Variants in OPRM1 observed in about 807,000 individuals in gnomAD.
OPRM1 encodes opioid receptor mu 1.
Under a neutral mutation model 31.8 loss-of-function variants are expected in OPRM1, and 27 were observed. The observed-to-expected ratio is 0.85, with a 90% CI of 0.63 to 1.17. The LOEUF (loss-of-function observed/expected upper bound fraction) is 1.17. Among genes scored for constraint, OPRM1 ranks in the 50% most tolerant of loss-of-function variants. The pLI, the probability that OPRM1 is intolerant of heterozygous loss-of-function variation, is 0.00. For synonymous variants in OPRM1, 196 were observed against 189.9 expected (o/e 1.03, Z -0.26); for missense variants, 536 against 511.1 (o/e 1.05, Z -0.47).
chr6:154,067,832 G>T (rs1408738919), intron 1 of OPRM1, among the ~76,000 whole-genome samples: 1 of 151,896 alleles, frequency 6.6e-6, no homozygotes, highest in African/African-American at 2.4e-5. Flanking sequence ...AGTACTGTTT[G>T]TAATTGTTAT....
At chr6:154,222,133 C>T (rs1778914147) in intron 3 of OPRM1, among the ~76,000 whole-genome samples, 1 of 152,166 alleles carries the variant, frequency 6.6e-6, no homozygotes, top group African/African-American at 2.4e-5. Flanking sequence ...TCAAGGCACC[C>T]TTTGTTAGTA....
At chr6:154,094,465 C>T (rs1358021248) in intron 3 of OPRM1, 2 of 359,468 alleles carry the variant, frequency 5.6e-6, no homozygotes, top group African/African-American at 4.3e-5. Flanking sequence ...ATTTAGTTTA[C>T]AATTCTGTAG....
At chr6:154,058,369 T>C (rs1043932994) in intron 1 of OPRM1, among the ~76,000 whole-genome samples, 1 of 152,196 alleles carries the variant, frequency 6.6e-6, no homozygotes, top group Non-Finnish European at 1.5e-5. Flanking sequence ...GTCAGCATTC[T>C]AGTTGAAATA....
chr6:154,213,133 G>A, intron 3 of OPRM1: 1 of 394,926 alleles, frequency 2.5e-6, no homozygotes, highest in South Asian at 3.3e-5. Flanking sequence ...CAAAAGAGGT[G>A]TGAGTCATAA....
chr6:154,205,459 G>A (rs1158476910), intron 3 of OPRM1, among the ~76,000 whole-genome samples: 1 of 152,104 alleles, frequency 6.6e-6, no homozygotes, highest in Non-Finnish European at 1.5e-5. Context: ...GCTGGGCGTG[G>A]TGGTGCAAGC....
chr6:154,085,678 T>A (rs1203817629), intron 1 of OPRM1, among the ~76,000 whole-genome samples: 1 of 152,116 alleles, frequency 6.6e-6, no homozygotes, highest in Non-Finnish European at 1.5e-5. Context: ...GGAAAAAGGC[T>A]TGTGTTTTAA....
At chr6:154,071,959 A>G (rs1786846759) in intron 1 of OPRM1, among the ~76,000 whole-genome samples, 1 of 152,100 alleles carries the variant, frequency 6.6e-6, no homozygotes, top group Non-Finnish European at 1.5e-5. Flanking sequence ...TATTCTATGG[A>G]ATTTTGTTCC....
At chr6:154,135,508 T>C (rs1412939480), downstream of OPRM1, among the ~76,000 whole-genome samples, 1 of 151,878 alleles carries the variant, frequency 6.6e-6, no homozygotes, top group Non-Finnish European at 1.5e-5. Context: ...TAGATATAGA[T>C]ATAGATATAG....
chr6:154,219,000 C>T (rs1404140277), intron 3 of OPRM1: 3 of 152,158 alleles, frequency 2.0e-5, no homozygotes, highest in Admixed American at 6.5e-5. Context: ...TCACAGCCAA[C>T]AGGATGAAGT....
chr6:154,047,227 G>A (rs1292856477), intron 1 of OPRM1, among the ~76,000 whole-genome samples: 1 of 143,232 alleles, frequency 7.0e-6, no homozygotes, highest in African/African-American at 2.6e-5. Context: ...TGTTTGAGCA[G>A]AAATGCAGGA....
chr6:154,049,451 A>G (rs990122013), intron 1 of OPRM1, among the ~76,000 whole-genome samples: 18 of 152,198 alleles, frequency 1.2e-4, no homozygotes, highest in African/African-American at 3.4e-4. Context: ...TTGCTGCTCT[A>G]TACATGTCCA....
chr6:154,175,380 C>A, intron 3 of OPRM1, among the ~76,000 whole-genome samples: 1 of 136,050 alleles, frequency 7.4e-6, no homozygotes, highest in Non-Finnish European at 1.5e-5. Context: ...TCAGTGAATC[C>A]AGGAGCTTTT....
intron 3 of OPRM1, among the ~76,000 whole-genome samples, chr6:154,219,918 G>A (rs577572548): frequency 3.3e-5 from 5 of 152,158 alleles, no homozygotes; most frequent in South Asian, 4.1e-4. Context: ...GTGATGCTGG[G>A]GAGGTGAGGA....
intron 1 of OPRM1, among the ~76,000 whole-genome samples, chr6:154,043,860 A>T (rs923124997): frequency 1.3e-5 from 2 of 152,116 alleles, no homozygotes; most frequent in African/African-American, 4.8e-5. Context: ...GCTATTTTCC[A>T]TATAGAAACT....
intron 1 of OPRM1, among the ~76,000 whole-genome samples, chr6:154,056,413 C>T (rs770613855): frequency 8.6e-5 from 13 of 151,812 alleles, no homozygotes; most frequent in South Asian, 2.1e-4. Flanking sequence ...TGAGCCAACG[C>T]GCCCGGCCTG....
intron 1 of OPRM1, among the ~76,000 whole-genome samples, chr6:154,022,246 T>C (rs1241107430): frequency 1.3e-5 from 2 of 152,188 alleles, no homozygotes; most frequent in Admixed American, 1.3e-4. Flanking sequence ...GTGATTTTCC[T>C]TCTTTAGCCT....
At chr6:154,078,591 C>T (rs925905580) in intron 1 of OPRM1, among the ~76,000 whole-genome samples, 1 of 152,206 alleles carries the variant, frequency 6.6e-6, no homozygotes, top group Non-Finnish European at 1.5e-5. Flanking sequence ...ACATCCTAGG[C>T]TGCATGTGGC....
intron 3 of OPRM1, among the ~76,000 whole-genome samples, chr6:154,117,963 T>A (rs1289594974): frequency 2.0e-5 from 3 of 151,782 alleles, no homozygotes; most frequent in African/African-American, 4.8e-5. Context: ...AATAAAATTT[T>A]AAAAAAATGA....
At chr6:154,136,261 A>G (rs139703152), downstream of OPRM1, among the ~76,000 whole-genome samples, 129 of 152,192 alleles carry the variant, frequency 8.5e-4, no homozygotes, top group African/African-American at 3.0e-3. Context: ...CCACGTCTCT[A>G]TCTCCCCATC....
Sources: allele counts gnomAD v4.1 joint callset (sites outside exome capture counted in the v4.1 genomes callset), GRCh38; gene constraint gnomAD v4.1.1; transcripts MANE v1.5; gene names NCBI Gene and HGNC (gene_info 2026-07-23, HGNC 2026-07-21).